The following DNM2 variants were observed in gnomAD, a reference collection of about 807,000 sequenced individuals.
DNM2 encodes the protein dynamin 2.
A neutral mutation model predicts 99.0 loss-of-function variants in DNM2; 15 were observed. That is an observed-to-expected ratio of 0.15 (90% CI 0.10 to 0.23). The LOEUF (loss-of-function observed/expected upper bound fraction) is 0.23, where lower values mean the gene tolerates loss of function less well. Ranked by LOEUF, DNM2 falls within the 10% of genes least tolerant of loss-of-function variation. The pLI is 1.00. For synonymous variants in DNM2, 525 were observed against 481.2 expected, an observed-to-expected ratio of 1.09 and a Z score of -1.19; for missense variants, 742 against 1,189.4, an observed-to-expected ratio of 0.62 and a Z score of 5.53.
At position 10,793,801 on chromosome 19, in the gene DNM2, G is replaced by A. The variant is rs750577663; in HGVS notation, c.1074G>A (p.Gly358=). 6.2e-7 allele frequency: 1 copy of A among 1,614,054 alleles called. No homozygotes were observed. Among genetic ancestry groups the A allele is most frequent in the South Asian group, 1.1e-5 (1 of 91,072 alleles). Residue 358 remains glycine, a synonymous_variant, in exon 8 of 21, where the codon GGG becomes GGA. Coordinates refer to ENST00000389253, the MANE Select transcript of DNM2 (RefSeq NM_001005361.3). ...GDQVDTLELS[G]GARINRIFHE... ...AGGTGGACACTCTGGAGCTCTCCGGGGGCGCCCGAATCAATCGCATCTTCC... is the reference window on the plus strand; with the variant it reads ...AGGTGGACACTCTGGAGCTCTCCGGAGGCGCCCGAATCAATCGCATCTTCC...
intron 2 of DNM2, among the ~76,000 whole-genome samples, chr19:10,760,800 A>G (rs974319798): frequency 3.4e-5 from 4 of 118,750 alleles, no homozygotes; most frequent in Admixed American, 1.0e-4. Context: ...CTAGGATTAC[A>G]GGTGCACACA....
Position 10,811,762 on chromosome 19 carries a change from C to G in DNM2, c.1558-502C>G. 1 of 518,748 alleles carries G rather than the reference C, an allele frequency of 1.9e-6. No individual in the cohort carries two copies. Among genetic ancestry groups the G allele is most frequent in the Admixed American group, 1.9e-5 (1 of 51,584 alleles). 32.1% of individuals were successfully genotyped at this position (518,748 alleles called of 1,614,324 possible). On this transcript the variant is annotated intron_variant, in intron 14 of 20. Coordinates refer to ENST00000389253, the MANE Select transcript of DNM2 (RefSeq NM_001005361.3). The surrounding 1 kb of genome is among the most constrained non-coding windows in gnomAD (Gnocchi z 5.4). The stretch of plus-strand genomic sequence containing the variant: ...CCATGGGGTCTCCCAGCCTGAAACC[C>G]TGATGTGTCAGTCAAAAGGATGACC...
At chr19:10,766,481 GC>G (rs1277317338) in intron 2 of DNM2, among the ~76,000 whole-genome samples, 3 of 152,192 alleles carry the variant, frequency 2.0e-5, no homozygotes, top group African/African-American at 7.2e-5. Flanking sequence ...ACCTCAAAGG[GC>G]CTGAGGTGCA....
intron 11 of DNM2, among the ~76,000 whole-genome samples, chr19:10,801,471 C>T (rs1023286737): frequency 1.3e-5 from 2 of 151,670 alleles, no homozygotes; most frequent in Non-Finnish European, 2.9e-5. Flanking sequence ...AAAGAAAAAT[C>T]AGCCAGGTGT....
intron 1 of DNM2, among the ~76,000 whole-genome samples, chr19:10,753,487 A>G (rs896462956): frequency 1.4e-5 from 2 of 143,786 alleles, no homozygotes; most frequent in African/African-American, 2.6e-5. Context: ...TTTCTTCAGT[A>G]AAACTGATCA....
chr19:10,760,276 A>G (rs1165930777), intron 2 of DNM2, among the ~76,000 whole-genome samples: 1 of 151,646 alleles, frequency 6.6e-6, no homozygotes, highest in Non-Finnish European at 1.5e-5. Flanking sequence ...CCTGACCTCA[A>G]GTGACCCTCT....
rs540514356 is a variant in DNM2 at position 10,761,069 on chromosome 19, A to G, written c.235+1258A>G. ...AGTGGCGTGATCTCGGCTCACTGCA[A>G]CATCCGCCTCCTGGGTTCAAGCGAT... is the stretch of plus-strand genomic sequence containing the variant. On this transcript the variant is annotated intron_variant, in intron 2 of 20. Coordinates refer to ENST00000389253, the MANE Select transcript of DNM2 (RefSeq NM_001005361.3). Among the ~76,000 whole-genome samples, 4 of 151,900 alleles carry G rather than the reference A, an allele frequency of 2.6e-5. No individual in the cohort carries two copies. In the South Asian group the frequency reaches 8.3e-4, roughly 32 times the overall value.
At chr19:10,821,378 GT>G (rs1378180997) in intron 16 of DNM2, among the ~76,000 whole-genome samples, 1 of 152,128 alleles carries the variant, frequency 6.6e-6, no homozygotes, top group Non-Finnish European at 1.5e-5. Context: ...AGATAAGATG[GT>G]TGATAGTTTT....
At chr19:10,748,404 G>A (rs117277380) in intron 1 of DNM2, among the ~76,000 whole-genome samples, 10 of 152,270 alleles carry the variant, frequency 6.6e-5, no homozygotes, top group Non-Finnish European at 1.5e-4. Context: ...CTGCAGCCTC[G>A]TGAGGGGTTT....
chr19:10,729,186 A>T (rs895201100), intron 1 of DNM2, among the ~76,000 whole-genome samples: 17 of 146,980 alleles, frequency 1.2e-4, no homozygotes, highest in African/African-American at 3.9e-4. Context: ...AAAAAAAAAA[A>T]AAAATATAAA....
At chr19:10,745,994 T>G (rs1267981666) in intron 1 of DNM2, among the ~76,000 whole-genome samples, 2 of 152,246 alleles carry the variant, frequency 1.3e-5, no homozygotes. Context: ...GGAGTCTCAC[T>G]CTGACCTATG....
intron 6 of DNM2, among the ~76,000 whole-genome samples, chr19:10,786,256 G>T (rs539380297): frequency 6.6e-6 from 1 of 152,194 alleles, no homozygotes; most frequent in Non-Finnish European, 1.5e-5. Flanking sequence ...CCCCGTTTCC[G>T]TGGTCTGGAT....
At chr19:10,787,204 C>A (rs2071589032) in intron 7 of DNM2, among the ~76,000 whole-genome samples, 1 of 152,006 alleles carries the variant, frequency 6.6e-6, no homozygotes, top group Non-Finnish European at 1.5e-5. Context: ...CATGGTGGCT[C>A]ACACCTGTAA....
chr19:10,759,843 AGTGGAT>A, intron 2 of DNM2, 32 bp downstream of exon 2: 1 of 1,613,622 alleles, frequency 6.2e-7, no homozygotes, highest in Non-Finnish European at 8.5e-7. Context: ...TTCAGCAGGA[AGTGGAT>A]GTGGATGTGT....
At chr19:10,788,163 G>T (rs939603777) in intron 7 of DNM2, among the ~76,000 whole-genome samples, 1 of 151,898 alleles carries the variant, frequency 6.6e-6, no homozygotes, top group Non-Finnish European at 1.5e-5. Context: ...AAGCCAAGAG[G>T]CAGAGGTTGC....
rs187451094 is a variant in DNM2 at position 10,805,754 on chromosome 19, G to C, written c.1494-162G>C. Among the ~76,000 whole-genome samples the C allele has an allele frequency of 2.1e-3, 327 of 152,252 alleles. 2 individuals carry two copies. Among genetic ancestry groups the C allele is most frequent in the African/African-American group, 7.6e-3 (314 of 41,522 alleles). On this transcript the variant is annotated intron_variant, in intron 12 of 20. Transcript: ENST00000389253. ...ACATTTACTTGTTCCGTGTGCCCAG[G>C]CCGTTTCCCTTGCGCAGCTCTGTGT...
chr19:10,794,137 A>G (rs989351039), intron 8 of DNM2, among the ~76,000 whole-genome samples: 5 of 152,362 alleles, frequency 3.3e-5, no homozygotes, highest in Non-Finnish European at 7.3e-5. Context: ...AGATAAATTT[A>G]CATGAGAAGA....
Position 10,831,056 on chromosome 19 carries a change from G to C in DNM2, c.*9G>C, listed in dbSNP as rs761890287. 1.9e-6 allele frequency: 3 copies of C among 1,598,450 alleles called. No homozygotes were observed. The highest frequency in any genetic ancestry group is 2.3e-5 in the South Asian group (2 of 88,542). On this transcript the variant is annotated 3_prime_UTR_variant, in exon 21 of 21. Transcript: ENST00000389253. The surrounding 1 kb of genome is among the most constrained non-coding windows in gnomAD (Gnocchi z 4.3). ...CATCCCTGCTCGACTAGGCCTCGAG[G>C]GGGGCGTGCTCTCGGGGGGGCCTCA...
intron 14 of DNM2, 52 bp downstream of exon 14, chr19:10,808,632 G>T: frequency 6.3e-7 from 1 of 1,590,044 alleles, no homozygotes. Context: ...AGTGGTGATG[G>T]AGACCCCGCC....
Sources: allele counts gnomAD v4.1 joint callset (sites outside exome capture counted in the v4.1 genomes callset), GRCh38; gene constraint gnomAD v4.1.1; non-coding constraint Gnocchi (gnomAD v3.1); transcripts MANE v1.5; gene names NCBI Gene and HGNC (gene_info 2026-07-23, HGNC 2026-07-21).